ESPNL: variants seen among roughly 807,000 people sequenced by gnomAD.
ESPNL encodes the protein espin like, also known as espin-like protein.
Under a neutral mutation model 46.8 loss-of-function variants are expected in ESPNL, and 49 were observed. The observed-to-expected ratio is 1.05, with a 90% CI of 0.83 to 1.33. ESPNL has a LOEUF of 1.33. ESPNL is among the 40% of genes most tolerant of loss of function. The pLI, the probability that ESPNL is intolerant of heterozygous loss-of-function variation, is 0.00. For synonymous variants in ESPNL, 664 were observed against 662.1 expected (o/e 1.00, Z -0.04); for missense variants, 1,540 against 1,436.6 (o/e 1.07, Z -1.16).
At chr2:238,126,798 GTA>G (rs1351113000) in intron 6 of ESPNL, among the ~76,000 whole-genome samples, 2 of 150,924 alleles carry the variant, frequency 1.3e-5, no homozygotes, top group African/African-American at 4.9e-5. Flanking sequence ...TTGTGTTTGT[GTA>G]TGTCTGTTCT....
At chr2:238,126,491 TTCTG>T (rs200787549) in intron 6 of ESPNL, among the ~76,000 whole-genome samples, 442 of 151,480 alleles carry the variant, frequency 2.9e-3, no homozygotes, top group African/African-American at 7.2e-3. Flanking sequence ...TGTGTGTCTG[TTCTG>T]TCTGTTTCTG....
At chr2:238,103,524 G>T (rs1275237273) in intron 2 of ESPNL, among the ~76,000 whole-genome samples, 1 of 152,182 alleles carries the variant, frequency 6.6e-6, no homozygotes, top group East Asian at 1.9e-4. Context: ...CCCCGGCCTA[G>T]TTCCCGCCTG....
At position 238,131,327 on chromosome 2, in the gene ESPNL, G is replaced by A. The variant is rs552233510; in HGVS notation, c.2613G>A (p.Pro871=). The part of the protein sequence containing the change: ...GYFQLLECDL[P]AEERKLRHLL... ...TCCAGCTGCTGGAGTGCGACCTGCC[G>A]GCGGAGGAGCGGAAGCTGCGCCACC... The change falls in exon 9 of 9, where the codon CCG becomes CCA. Residue 871 remains proline, a synonymous_variant. Coordinates refer to ENST00000343063, the MANE Select transcript of ESPNL (RefSeq NM_194312.4). 193 of 1,588,844 alleles carry A rather than the reference G, an allele frequency of 1.2e-4. No individual in the cohort carries two copies. The East Asian group carries it at 1.5e-3, about 12-fold the overall frequency.
chr2:238,129,252 T>A, intron 8 of ESPNL: 1 of 1,199,768 alleles, frequency 8.3e-7, no homozygotes. Context: ...GTGTGTGGGG[T>A]GCGATTCCCA....
Position 238,131,056 on chromosome 2 carries a change from GC to G in ESPNL, c.2345del (p.Pro782LeufsTer45). The G allele has an allele frequency of 6.5e-7, 1 of 1,538,926 alleles. No individual in the cohort carries two copies. ...AGLRGQEAAR[S>X]PGPPSPPSEG... ...TTGCGGGGCCAGGAGGCCGCCAGGA[GC>G]CCTGGGCCACCCTCCCCGCCCAGCG... is the stretch of plus-strand genomic sequence containing the variant. On this transcript the variant is annotated frameshift_variant, in exon 9 of 9. Transcript: ENST00000343063. LOFTEE classifies it low-confidence loss of function (END_TRUNC).
At chr2:238,125,797 GTGGAGTGGAGTGGAA>G (rs1055062668) in intron 6 of ESPNL, among the ~76,000 whole-genome samples, 1 of 152,050 alleles carries the variant, frequency 6.6e-6, no homozygotes, top group African/African-American at 2.4e-5. Context: ...GTGGAGTGGA[GTGGAGTGGAGTGGAA>G]TGGAATTATC....
At chr2:238,125,819 T>G (rs565640280) in intron 6 of ESPNL, among the ~76,000 whole-genome samples, 4 of 102,554 alleles carry the variant, frequency 3.9e-5, no homozygotes, top group Middle Eastern at 5.8e-3. Flanking sequence ...GGAATGGAAT[T>G]ATCAACAGGT....
rs550361281 is a variant in ESPNL at position 238,119,822 on chromosome 2, C to T, written c.987+2788C>T. On this transcript the variant is annotated intron_variant, in intron 5 of 8. Transcript: ENST00000343063. The stretch of plus-strand genomic sequence containing the variant: ...CCAAGGGGTTGCTGTGCCTCCTCTT[C>T]TCTGATGTGTCCCCTCAGAGCATCT... Among the ~76,000 whole-genome samples the T allele has an allele frequency of 4.0e-3, 604 of 152,210 alleles. 1 individual carries two copies. The highest frequency in any genetic ancestry group is 8.6e-3 in the Admixed American group (131 of 15,296).
At chr2:238,104,914 C>CCCCA in intron 3 of ESPNL, 72 bp downstream of exon 3, 3 of 1,312,572 alleles carry the variant, frequency 2.3e-6, no homozygotes, top group South Asian at 1.6e-5. Context: ...AGCCTGGAGC[C>CCCCA]TGGATGGGGG....
intron 3 of ESPNL, among the ~76,000 whole-genome samples, chr2:238,105,522 A>AAC (rs1401854704): frequency 6.6e-6 from 1 of 151,722 alleles, no homozygotes; most frequent in East Asian, 1.9e-4. Context: ...CAAAAAAAAA[A>AAC]AAAAAAAAAA....
intron 6 of ESPNL, 151 bp from the exon 7 acceptor site, chr2:238,127,471 A>C: frequency 1.9e-6 from 2 of 1,027,410 alleles, no homozygotes; most frequent in Admixed American, 3.5e-5. Context: ...GGGGCCCCCG[A>C]GGTGTTCTGG....
At chr2:238,127,060 CTG>C (rs1692151827) in intron 6 of ESPNL, among the ~76,000 whole-genome samples, 1 of 147,262 alleles carries the variant, frequency 6.8e-6, no homozygotes, top group Non-Finnish European at 1.5e-5. Context: ...GTGATTGTAT[CTG>C]TGTGTATAAT....
chr2:238,104,769 T>TTCGTGCTC lies in ESPNL; in HGVS notation c.603_610dup (p.Asp204ValfsTer6). On this transcript the variant is annotated frameshift_variant, in exon 3 of 9. Transcript: ENST00000343063. LOFTEE classifies it high-confidence loss of function. ...AAGGACTGTGGCGCTGACGTGCACC[T>TTCGTGCTC]TCGTGCTCTCGATGGCATGAGCGCC... 1 of 1,601,854 alleles carries TTCGTGCTC rather than the reference T, an allele frequency of 6.2e-7. No homozygotes were observed. The highest frequency in any genetic ancestry group is 8.5e-7 in the Non-Finnish European group (1 of 1,175,868).
intron 3 of ESPNL, 60 bp downstream of exon 3, chr2:238,104,902 A>AGAGGCTG (rs1691563084): frequency 1.5e-6 from 2 of 1,359,986 alleles, no homozygotes; most frequent in East Asian, 5.7e-5. Flanking sequence ...TCCAGCAAGC[A>AGAGGCTG]GAGCCTGGAG....
chr2:238,103,847 G>C (rs1256712906), intron 2 of ESPNL, among the ~76,000 whole-genome samples: 2 of 152,200 alleles, frequency 1.3e-5, no homozygotes, highest in African/African-American at 4.8e-5. Context: ...CCAAGGTCCT[G>C]TGTCCCCCTT....
In ESPNL at chr2:238,131,165, C is replaced by T. The variant is rs1272510991; in HGVS notation, c.2451C>T (p.His817=). Residue 817 remains histidine (H), a synonymous_variant, in exon 9 of 9, where the codon CAC becomes CAT. Transcript: ENST00000343063. Reference sequence around the variant, plus strand: ...GCAACTGGAAGGCCATCATGGCTCACGTGCCCGCCCGGCAGCTGCGGCGGC... The same window carrying T: ...GCAACTGGAAGGCCATCATGGCTCATGTGCCCGCCCGGCAGCTGCGGCGGC... ...LLGNWKAIMA[H]VPARQLRRLS... 9.7e-6 allele frequency: 15 copies of T among 1,544,934 alleles called. No individual in the cohort carries two copies. Among genetic ancestry groups the T allele is most frequent in the Admixed American group, 5.9e-5 (3 of 51,066 alleles).
intron 6 of ESPNL, chr2:238,127,373 GGCCGCGGCGTGGCCCAGCGGTGT>G (rs1211984890): frequency 3.1e-6 from 4 of 1,281,946 alleles, no homozygotes; most frequent in East Asian, 6.6e-5. Flanking sequence ...CTGCAGGAGG[GGCCGCGGCGTGGCCCAGCGGTGT>G]GCCGCAGGCT....
chr2:238,108,004 C>A, intron 4 of ESPNL, 31 bp downstream of exon 4: 1 of 1,583,986 alleles, frequency 6.3e-7, no homozygotes, highest in South Asian at 1.2e-5. Context: ...ACAGGGTGAG[C>A]AGTCACAAGT....
Position 238,130,456 on chromosome 2 carries a change from A to C in ESPNL, c.1742A>C (p.Glu581Ala), listed in dbSNP as rs772332047. 6.2e-7 allele frequency: 1 copy of C among 1,602,940 alleles called. No individual in the cohort carries two copies. Residue 581 changes from glutamate (E) to alanine (A), a missense_variant, in exon 9 of 9, where the codon GAG becomes GCG. Physicochemically the swap from Glu to Ala is moderately radical, Grantham distance 107 (BLOSUM62 -1). Transcript: ENST00000343063. ...AEPAGSAEAS[E>A]VAPGVQPLPF... ...CCCGCAGGGTCTGCGGAGGCCTCAG[A>C]GGTGGCCCCCGGGGTGCAGCCCCTG...
Sources: allele counts gnomAD v4.1 joint callset (sites outside exome capture counted in the v4.1 genomes callset), GRCh38; gene constraint gnomAD v4.1.1; transcripts MANE v1.5; gene names NCBI Gene and HGNC (gene_info 2026-07-23, HGNC 2026-07-21).